Variants in MCTP2 observed in about 807,000 individuals in gnomAD.
MCTP2 encodes multiple C2 and transmembrane domain containing 2.
MCTP2 carries 132 observed loss-of-function variants against 111.6 expected under a neutral mutation model. The observed-to-expected ratio is 1.18, with a 90% CI of 1.03 to 1.37. The LOEUF is 1.37. Ranked by LOEUF, MCTP2 falls within the 40% of genes most tolerant of loss-of-function variation. The pLI, the probability that MCTP2 is intolerant of heterozygous loss-of-function variation, is 0.00. For synonymous variants in MCTP2, 395 were observed against 387.7 expected (o/e 1.02, Z -0.22); for missense variants, 1,183 against 1,067.9 (o/e 1.11, Z -1.50).
At chr15:94,238,956 C>G (rs1489757684) in intron 1 of MCTP2, among the ~76,000 whole-genome samples, 1 of 150,818 alleles carries the variant, frequency 6.6e-6, no homozygotes, top group Non-Finnish European at 1.5e-5. Flanking sequence ...GTGACCACGC[C>G]CATGTTCTGT....
rs115916827 is a variant in MCTP2 at position 94,387,269 on chromosome 15, T to C, written c.1788+1744T>C. On this transcript the variant is annotated intron_variant, in intron 14 of 22. Transcript: ENST00000357742. ...TTTGGGGCCAGGACATTCTTTGTCA[T>C]ATGGAGCTGCCCTGTGCATCGTAGC... 5.5e-3 allele frequency among the ~76,000 whole-genome samples: 839 copies of C among 151,788 alleles called. 7 individuals carry two copies. Among genetic ancestry groups the C allele is most frequent in the African/African-American group, 0.019 (801 of 41,338 alleles).
intron 1 of MCTP2, among the ~76,000 whole-genome samples, chr15:94,242,410 G>A (rs940035091): frequency 9.2e-5 from 14 of 152,098 alleles, no homozygotes; most frequent in Non-Finnish European, 1.8e-4. Flanking sequence ...TGGATTCTTC[G>A]TAATAAGCAA....
chr15:94,321,237 A>C (rs966584171), intron 4 of MCTP2, among the ~76,000 whole-genome samples: 1 of 152,164 alleles, frequency 6.6e-6, no homozygotes, highest in African/African-American at 2.4e-5. Flanking sequence ...TACAGTGTTC[A>C]ATGGCTCAGT....
chr15:94,423,878 A>G (rs2082744389), intron 17 of MCTP2, among the ~76,000 whole-genome samples: 1 of 152,232 alleles, frequency 6.6e-6, no homozygotes, highest in South Asian at 2.1e-4. Flanking sequence ...GTATGCACAC[A>G]TATATGCAGT....
Position 94,472,612 on chromosome 15 carries a change from C to G in MCTP2, c.2470+2170C>G, listed in dbSNP as rs184108400. On this transcript the variant is annotated intron_variant, in intron 21 of 22. Transcript: ENST00000357742. The stretch of plus-strand genomic sequence containing the variant: ...AATGGTATGGAGTTTATTATGCTCT[C>G]TTGGGCTGTCAGTAACCCTCTGAGC... Among the ~76,000 whole-genome samples, 1,116 of 152,302 alleles carry G rather than the reference C, an allele frequency of 7.3e-3. 9 individuals carry two copies. The highest frequency in any genetic ancestry group is 0.023 in the South Asian group (112 of 4,822).
intron 1 of MCTP2, among the ~76,000 whole-genome samples, chr15:94,277,577 A>G (rs906056621): frequency 2.0e-5 from 3 of 152,194 alleles, no homozygotes; most frequent in African/African-American, 7.2e-5. Context: ...TGAAAAGGCT[A>G]TGTAATATGT....
Position 94,245,747 on chromosome 15 carries a change from A to G in MCTP2, c.-66+14083A>G, listed in dbSNP as rs560245059. Among the ~76,000 whole-genome samples the G allele has an allele frequency of 1.5e-3, 220 of 149,734 alleles. 1 individual carries two copies. The highest frequency in any genetic ancestry group is 5.2e-3 in the African/African-American group (211 of 40,902). On this transcript the variant is annotated intron_variant, in intron 1 of 22. Coordinates refer to ENST00000357742, the MANE Select transcript of MCTP2 (RefSeq NM_001385001.1). ...ATATATATATATATCTATATAGACAAAAGAGTACCTTTGAAGGCTTTGGAA... is the reference window on the plus strand; with the variant it reads ...ATATATATATATATCTATATAGACAGAAGAGTACCTTTGAAGGCTTTGGAA...
At chr15:94,441,374 A>G (rs1344509313) in intron 18 of MCTP2, among the ~76,000 whole-genome samples, 1 of 152,236 alleles carries the variant, frequency 6.6e-6, no homozygotes, top group African/African-American at 2.4e-5. Context: ...CCATTTAAGG[A>G]CTAGGTTTCA....
chr15:94,440,099 C>T, intron 17 of MCTP2, 77 bp from the exon 18 acceptor site: 1 of 1,524,384 alleles, frequency 6.6e-7, no homozygotes, highest in Non-Finnish European at 9.0e-7. Flanking sequence ...AATCTCCTTA[C>T]ATCAATGAGT....
rs11456362 is a variant in MCTP2 at position 94,474,859 on chromosome 15, GT to G, written c.2471-1826del. Among the ~76,000 whole-genome samples, 1,472 of 149,922 alleles carry G rather than the reference GT, an allele frequency of 9.8e-3. 32 individuals are homozygous for G. Among genetic ancestry groups the G allele is most frequent in the African/African-American group, 0.033 (1,366 of 40,842 alleles). ...GAGTGCCCTATAATTTTTATCCTAA[GT>G]TTTTTTTTTTCAAACATAGATAGTC... On this transcript the variant is annotated intron_variant, in intron 21 of 22. Transcript: ENST00000357742.
chr15:94,267,246 T>C (rs1309965076), intron 1 of MCTP2, among the ~76,000 whole-genome samples: 2 of 152,206 alleles, frequency 1.3e-5, no homozygotes, highest in African/African-American at 4.8e-5. Flanking sequence ...TTAGCAAGCA[T>C]TGGTCTTATT....
At chr15:94,245,461 T>C (rs2071848518) in intron 1 of MCTP2, among the ~76,000 whole-genome samples, 1 of 140,002 alleles carries the variant, frequency 7.1e-6, no homozygotes, top group Admixed American at 7.4e-5. Flanking sequence ...TATATGTATT[T>C]ATATACATAT....
rs149121826 is a variant in MCTP2 at position 94,317,376 on chromosome 15, C to T, written c.637+1739C>T. ...GGGCATGCTGCAGGACAGGGTGAGC[C>T]GGTAGTTCAGGCTAGGTTCTTCCCA... On this transcript the variant is annotated intron_variant, in intron 4 of 22. Coordinates refer to ENST00000357742, the MANE Select transcript of MCTP2 (RefSeq NM_001385001.1). Among the ~76,000 whole-genome samples, 15 of 152,268 alleles carry T rather than the reference C, an allele frequency of 9.9e-5. No individual in the cohort carries two copies. The East Asian group carries it at 2.7e-3, about 27-fold the overall frequency.
At chr15:94,313,135 A>G (rs1161650110) in intron 2 of MCTP2, among the ~76,000 whole-genome samples, 3 of 152,212 alleles carry the variant, frequency 2.0e-5, no homozygotes, top group South Asian at 2.1e-4. Flanking sequence ...TCATTGACGC[A>G]ATCAGTCCTG....
intron 18 of MCTP2, among the ~76,000 whole-genome samples, chr15:94,441,917 C>A (rs992684673): frequency 2.0e-5 from 3 of 152,198 alleles, no homozygotes; most frequent in Non-Finnish European, 2.9e-5. Context: ...ACCACACAAA[C>A]TGCTAGCTGA....
intron 12 of MCTP2, among the ~76,000 whole-genome samples, chr15:94,379,855 A>G (rs1171078567): frequency 2.1e-5 from 3 of 145,420 alleles, no homozygotes; most frequent in Non-Finnish European, 4.5e-5. Context: ...TGATATATAT[A>G]TAATATATGA....
intron 1 of MCTP2, 132 bp from the exon 2 acceptor site, chr15:94,298,069 C>T (rs2075357275): frequency 2.1e-6 from 1 of 471,698 alleles, no homozygotes; most frequent in Non-Finnish European, 3.7e-6. Flanking sequence ...ATGTTGCAGT[C>T]TTAATCATTT....
intron 2 of MCTP2, among the ~76,000 whole-genome samples, chr15:94,298,992 T>C (rs1596300570): frequency 1.4e-5 from 1 of 72,072 alleles, no homozygotes; most frequent in African/African-American, 5.5e-5. Flanking sequence ...CCTCTCCCTC[T>C]CTCCCTCTCC....
At chr15:94,241,624 T>C (rs78377180) in intron 1 of MCTP2, among the ~76,000 whole-genome samples, 3,201 of 152,224 alleles carry the variant, frequency 0.021, 91 homozygotes, top group African/African-American at 0.072. Flanking sequence ...TAGAACAATA[T>C]TATGTGCTGA....
Sources: gnomAD v4.1 joint callset for allele counts (sites outside exome capture counted in the v4.1 genomes callset) on GRCh38, gnomAD v4.1.1 for gene constraint, MANE v1.5 for transcripts, NCBI Gene and HGNC (gene_info 2026-07-23, HGNC 2026-07-21) for gene names.